The following ADHFE1 variants were observed in gnomAD, a reference collection of about 807,000 sequenced individuals.
The protein encoded by ADHFE1 is alcohol dehydrogenase iron containing 1, also known as hydroxyacid-oxoacid transhydrogenase, mitochondrial.
Under a neutral mutation model 54.8 loss-of-function variants are expected in ADHFE1, and 37 were observed. That is an observed-to-expected ratio of 0.68 (90% confidence interval 0.52 to 0.89). The LOEUF (loss-of-function observed/expected upper bound fraction) is 0.89. Among genes scored for constraint, ADHFE1 ranks in the 40% least tolerant of loss-of-function variants. The pLI, the probability that ADHFE1 is intolerant of heterozygous loss-of-function variation, is 0.00. For missense variants in ADHFE1, 601 were observed against 591.2 expected (o/e 1.02, Z -0.17); for synonymous variants, 203 against 229.3 (o/e 0.89, Z 1.04).
chr8:66,448,486 A>G (rs1041303538), intron 7 of ADHFE1, among the ~76,000 whole-genome samples: 4 of 152,240 alleles, frequency 2.6e-5, no homozygotes, highest in Admixed American at 6.5e-5. Context: ...AGTAAGTTGC[A>G]GAGCGAGGAC....
chr8:66,460,068 CTCT>C (rs1806816293), intron 12 of ADHFE1: 1 of 500,690 alleles, frequency 2.0e-6, no homozygotes, highest in East Asian at 3.5e-5. Context: ...GTCTTTGTTC[CTCT>C]TCTTCCTACC....
chr8:66,433,913 A>G (rs1805331436), intron 1 of ADHFE1, among the ~76,000 whole-genome samples: 1 of 152,226 alleles, frequency 6.6e-6, no homozygotes, highest in Admixed American at 6.5e-5. Flanking sequence ...TTGTCACACA[A>G]CACCATTTAT....
intron 13 of ADHFE1, among the ~76,000 whole-genome samples, chr8:66,464,669 T>A (rs1807075695): frequency 6.6e-6 from 1 of 152,226 alleles, no homozygotes. Context: ...CTCTATCCTT[T>A]CTTCCTGCTT....
chr8:66,460,540 G>A (rs1318441381), intron 13 of ADHFE1, 75 bp downstream of exon 13: 8 of 1,492,162 alleles, frequency 5.4e-6, no homozygotes, highest in South Asian at 4.1e-5. Flanking sequence ...CATTGATGGC[G>A]GGCTAGCAGG....
At chr8:66,441,182 A>G (rs1185834698) in intron 2 of ADHFE1, among the ~76,000 whole-genome samples, 1 of 152,214 alleles carries the variant, frequency 6.6e-6, no homozygotes, top group East Asian at 1.9e-4. Context: ...AGATATTCTC[A>G]TTGTTTTCCA....
chr8:66,444,486 A>G, intron 4 of ADHFE1, 66 bp downstream of exon 4: 1 of 1,607,868 alleles, frequency 6.2e-7, no homozygotes, highest in Non-Finnish European at 8.5e-7. Context: ...ACCATGCTAA[A>G]TGACAACAAT....
chr8:66,450,250 T>G (rs762881947), intron 8 of ADHFE1, among the ~76,000 whole-genome samples: 1 of 152,242 alleles, frequency 6.6e-6, no homozygotes, highest in Non-Finnish European at 1.5e-5. Context: ...TTATCCTTCC[T>G]AACTGTAAAG....
At chr8:66,445,084 G>T in intron 5 of ADHFE1, 134 bp from the exon 6 acceptor site, 3 of 862,288 alleles carry the variant, frequency 3.5e-6, no homozygotes, top group Non-Finnish European at 5.2e-6. Context: ...CTGGGCAACA[G>T]AATGAGACTC....
At position 66,452,059 on chromosome 8, in the gene ADHFE1, A is replaced by G. The variant is rs562478836; in HGVS notation, c.841A>G (p.Ile281Val). The G allele has an allele frequency of 6.2e-7, 1 of 1,614,228 alleles. No individual in the cohort carries two copies. The highest frequency in any genetic ancestry group is 1.1e-5 in the South Asian group (1 of 91,084). Reference sequence around the variant, plus strand: ...CCAGGGCAGCAACCCAATCAGTGACATTTGGGCTATCCACGCGCTGCGGAT... The same window carrying G: ...CCAGGGCAGCAACCCAATCAGTGACGTTTGGGCTATCCACGCGCTGCGGAT... ...AYQGSNPISD[I>V]WAIHALRIVA... Residue 281 changes from isoleucine to valine, a missense_variant, in exon 9 of 14, where the codon ATT becomes GTT. By Grantham distance (29) the Ile-to-Val change is conservative. Coordinates refer to ENST00000396623, the MANE Select transcript of ADHFE1 (RefSeq NM_144650.3).
intron 5 of ADHFE1, among the ~76,000 whole-genome samples, 163 bp downstream of exon 5, chr8:66,444,911 G>A (rs991965466): frequency 6.6e-5 from 10 of 152,116 alleles, no homozygotes; most frequent in African/African-American, 2.4e-4. Flanking sequence ...GACCAGTATG[G>A]CCAACATGGT....
intron 13 of ADHFE1, among the ~76,000 whole-genome samples, chr8:66,465,567 C>T (rs1159580275): frequency 2.0e-5 from 3 of 151,968 alleles, no homozygotes; most frequent in Admixed American, 6.6e-5. Context: ...TTGAATTGAG[C>T]TGTTTGAGGT....
intron 10 of ADHFE1, among the ~76,000 whole-genome samples, chr8:66,454,398 A>G (rs1436489160): frequency 6.6e-6 from 1 of 152,064 alleles, no homozygotes; most frequent in Non-Finnish European, 1.5e-5. Flanking sequence ...TGTGTTCCTA[A>G]ATGTATTCTT....
chr8:66,464,898 C>T (rs537956266), intron 13 of ADHFE1, among the ~76,000 whole-genome samples: 1 of 152,272 alleles, frequency 6.6e-6, no homozygotes, highest in Admixed American at 6.5e-5. Context: ...CCCTGGGAAC[C>T]TCTGTCCTAC....
intron 1 of ADHFE1, among the ~76,000 whole-genome samples, chr8:66,438,165 G>T (rs1033759599): frequency 1.3e-5 from 2 of 152,176 alleles, no homozygotes; most frequent in Admixed American, 1.3e-4. Flanking sequence ...ACTACAGTGT[G>T]GGGAATAGAG....
At position 66,453,732 on chromosome 8, in the gene ADHFE1, TGAA is replaced by T. The variant is rs779863730; in HGVS notation, c.888-317_888-315del. On this transcript the variant is annotated intron_variant, in intron 9 of 13. Coordinates refer to ENST00000396623, the MANE Select transcript of ADHFE1 (RefSeq NM_144650.3). ...CAGGGCCGTCAACAGCACTGACAAA[TGAA>T]GAAGAAGAATGAGTCTCAGGGCACC... The T allele has an allele frequency of 4.2e-5, 58 of 1,376,902 alleles. No individual in the cohort carries two copies. In the East Asian group the frequency reaches 7.4e-4, roughly 18 times the overall value. 85.3% of individuals were successfully genotyped at this position (1,376,902 alleles called of 1,614,324 possible).
chr8:66,448,765 C>T, intron 7 of ADHFE1, 100 bp from the exon 8 acceptor site: 1 of 1,081,830 alleles, frequency 9.2e-7, no homozygotes, highest in Non-Finnish European at 1.4e-6. Flanking sequence ...AACCTTTTCT[C>T]ATATTTTTAT....
Position 66,432,511 on chromosome 8 carries a change from A to G in ADHFE1, c.-6A>G, listed in dbSNP as rs1444676740. On this transcript the variant is annotated 5_prime_UTR_variant, in exon 1 of 14. Coordinates refer to ENST00000396623, the MANE Select transcript of ADHFE1 (RefSeq NM_144650.3). ...GACCCGAGGAGGGAAGAGGACTCCA[A>G]GCGCCATGGCCGCTGCCGCCCGAGC... The G allele has an allele frequency of 7.3e-7, 1 of 1,367,764 alleles. No individual in the cohort carries two copies. Among genetic ancestry groups the G allele is most frequent in the Non-Finnish European group, 9.5e-7 (1 of 1,050,858 alleles). The allele number at this position is 1,367,764 out of a possible 1,614,324, so 84.7% of individuals were successfully genotyped here.
At chr8:66,435,539 G>A (rs1805413393) in intron 1 of ADHFE1, among the ~76,000 whole-genome samples, 1 of 150,748 alleles carries the variant, frequency 6.6e-6, no homozygotes, top group Admixed American at 6.6e-5. Context: ...CCTTTTATAA[G>A]GCTATGAGTG....
In ADHFE1 at chr8:66,442,842, G is replaced by A. The variant is rs768488819; in HGVS notation, c.142G>A (p.Glu48Lys). 6.9e-6 allele frequency: 11 copies of A among 1,591,198 alleles called. No individual in the cohort carries two copies. The highest frequency in any genetic ancestry group is 7.7e-6 in the Non-Finnish European group (9 of 1,173,312). The change falls in exon 3 of 14, where the codon GAG (glutamate) becomes AAG (lysine). Residue 48 changes from glutamate (E) to lysine (K), a missense_variant and splice_region_variant. Physicochemically the swap from Glu to Lys is moderately conservative, Grantham distance 56. Transcript: ENST00000396623. ...TGGGAAAACAACAGATTATGCCTTT[G>A]AGGTATATTCACTCAATCCATTATT... ...PSGKTTDYAF[E>K]MAVSNIRYGA...
Sources: gnomAD v4.1 joint callset for allele counts (sites outside exome capture counted in the v4.1 genomes callset) on GRCh38, gnomAD v4.1.1 for gene constraint, MANE v1.5 for transcripts, NCBI Gene and HGNC (gene_info 2026-07-23, HGNC 2026-07-21) for gene names.